Variants in RFX7 observed in about 807,000 individuals in gnomAD.
RFX7 encodes the protein DNA-binding protein RFX7.
Under a neutral mutation model 111.8 loss-of-function variants are expected in RFX7, and 26 were observed. That is an observed-to-expected ratio of 0.23 (90% CI 0.17 to 0.32). RFX7 has a LOEUF of 0.32. RFX7 is among the 10% of genes least tolerant of loss of function. RFX7 has a pLI of 1.00. For missense variants in RFX7, 1,573 were observed against 1,772.9 expected (o/e 0.89, Z 2.02); for synonymous variants, 624 against 624.4 (o/e 1.00, Z 0.01).
chr15:56,202,640 CAAAAA>C (rs554952369), intron 2 of RFX7, among the ~76,000 whole-genome samples: 284 of 151,830 alleles, frequency 1.9e-3, no homozygotes, highest in Non-Finnish European at 3.6e-3. Flanking sequence ...CCTACCTCTA[CAAAAA>C]AAATAAAATA....
chr15:56,135,828 A>G (rs1487212124), intron 5 of RFX7, among the ~76,000 whole-genome samples: 1 of 151,986 alleles, frequency 6.6e-6, no homozygotes, highest in Non-Finnish European at 1.5e-5. Context: ...TCAGCTTTCT[A>G]CATATGGCTA....
At chr15:56,109,198 GC>G (rs531340210) in intron 5 of RFX7, among the ~76,000 whole-genome samples, 172 of 152,312 alleles carry the variant, frequency 1.1e-3, no homozygotes, top group Non-Finnish European at 1.8e-3. Context: ...GGCGCGCGCC[GC>G]CACGCCTGAC....
At chr15:56,114,079 T>C (rs1274957640) in intron 5 of RFX7, among the ~76,000 whole-genome samples, 2 of 152,110 alleles carry the variant, frequency 1.3e-5, no homozygotes, top group African/African-American at 4.8e-5. Context: ...GAGAAAACTC[T>C]TCAAAAGTGC....
Position 56,114,127 on chromosome 15 carries a change from G to C in RFX7, c.402-10457C>G, listed in dbSNP as rs1472771188. Among the ~76,000 whole-genome samples, 3 of 152,058 alleles carry C rather than the reference G, an allele frequency of 2.0e-5. No homozygotes were observed. In the East Asian group the frequency reaches 5.8e-4, roughly 29 times the overall value. On this transcript the variant is annotated intron_variant, in intron 5 of 9. Transcript: ENST00000559447. ...ATAAAGAAATTGGTCTTTTCCAGTT[G>C]AGTGTGGTGGCTCATGCCTGTATTC...
chr15:56,098,546 G>A (rs1390269434), intron 8 of RFX7, among the ~76,000 whole-genome samples, 170 bp from the exon 9 acceptor site: 1 of 152,150 alleles, frequency 6.6e-6, no homozygotes, highest in Non-Finnish European at 1.5e-5. Context: ...ATAAACAATT[G>A]TCAATATAGT....
intron 5 of RFX7, among the ~76,000 whole-genome samples, chr15:56,119,247 C>G (rs1206451640): frequency 1.3e-5 from 2 of 152,138 alleles, no homozygotes; most frequent in Non-Finnish European, 2.9e-5. Context: ...GGGTATTGCT[C>G]AAGAAATTTT....
chr15:56,145,545 A>T (rs1017014437), intron 3 of RFX7, among the ~76,000 whole-genome samples: 1 of 152,204 alleles, frequency 6.6e-6, no homozygotes, highest in East Asian at 1.9e-4. Flanking sequence ...GGTATTTTCC[A>T]ATTGGCTCTT....
rs1210302102 is a variant in RFX7 at position 56,143,320 on chromosome 15, T to TAC, written c.279-422_279-421dup. On this transcript the variant is annotated intron_variant, in intron 4 of 9. Coordinates refer to ENST00000559447, the MANE Select transcript of RFX7 (RefSeq NM_022841.7). Reference sequence around the variant, plus strand: ...ATATATATATACACACATATATATATACACATGTATACACATACATATACA... The same window carrying TAC: ...ATATATATATACACACATATATATATACACACATGTATACACATACATATACA... 3.3e-3 allele frequency among the ~76,000 whole-genome samples: 486 copies of TAC among 148,324 alleles called. 7 individuals are homozygous for TAC. Among genetic ancestry groups the TAC allele is most frequent in the African/African-American group, 0.012 (468 of 40,272 alleles).
intron 2 of RFX7, among the ~76,000 whole-genome samples, chr15:56,239,984 C>CTTTTT (rs5812831): frequency 1.7e-5 from 2 of 120,914 alleles, no homozygotes; most frequent in African/African-American, 3.2e-5. Context: ...TTTGGTATTT[C>CTTTTT]TTTTTTTTTT....
At position 56,095,500 on chromosome 15, in the gene RFX7, G is replaced by A. The variant is rs1348852875; in HGVS notation, c.2228C>T (p.Ala743Val). The A allele has an allele frequency of 6.2e-7, 1 of 1,612,894 alleles. No homozygotes were observed. The highest frequency in any genetic ancestry group is 8.5e-7 in the Non-Finnish European group (1 of 1,179,850). ...NSSALVISDSALEQQTTPSSS... is the reference protein window; with the variant it reads ...NSSALVISDSVLEQQTTPSSS... ...TGATGGGGTTGTTTGCTGTTCCAAA[G>A]CTGAATCACTGATAACAAGGGCAGA... Residue 743 changes from alanine to valine, a missense_variant, in exon 10 of 10, where the codon GCT becomes GTT. By Grantham distance (64) the Ala-to-Val change is moderately conservative (BLOSUM62 0). This residue lies in a region of RFX7 where 625 missense variants were observed against 632.2 expected (regional missense o/e 0.99). Coordinates refer to ENST00000559447, the MANE Select transcript of RFX7 (RefSeq NM_022841.7).
At chr15:56,168,289 AAAAC>A (rs1176815340) in intron 3 of RFX7, among the ~76,000 whole-genome samples, 2 of 152,194 alleles carry the variant, frequency 1.3e-5, no homozygotes, top group African/African-American at 4.8e-5. Flanking sequence ...ATAACAATAA[AAAAC>A]AAAGAAACTT....
chr15:56,228,292 CCTTT>C, intron 2 of RFX7, among the ~76,000 whole-genome samples: 1 of 152,082 alleles, frequency 6.6e-6, no homozygotes, highest in Middle Eastern at 3.4e-3. Flanking sequence ...TTCTTCTGTT[CCTTT>C]CTTTCTTCCA....
intron 3 of RFX7, among the ~76,000 whole-genome samples, chr15:56,178,210 C>CACAA (rs1345989709): frequency 2.5e-5 from 3 of 117,710 alleles, no homozygotes; most frequent in African/African-American, 9.7e-5. Flanking sequence ...CACACACACA[C>CACAA]AACAAAAAGA....
chr15:56,158,523 G>A (rs2042681920), intron 3 of RFX7, among the ~76,000 whole-genome samples: 2 of 151,810 alleles, frequency 1.3e-5, no homozygotes, highest in Non-Finnish European at 2.9e-5. Context: ...ACAGAGATAG[G>A]GTCTCACTCT....
intron 5 of RFX7, among the ~76,000 whole-genome samples, chr15:56,107,976 GAC>G (rs1458789159): frequency 2.0e-5 from 3 of 152,078 alleles, no homozygotes; most frequent in Non-Finnish European, 4.4e-5. Flanking sequence ...AAAATTCCTG[GAC>G]ACATACACCC....
chr15:56,208,195 T>C (rs1345841059), intron 2 of RFX7, among the ~76,000 whole-genome samples: 1 of 152,172 alleles, frequency 6.6e-6, no homozygotes, highest in Non-Finnish European at 1.5e-5. Context: ...AAGCATTCTG[T>C]TCCTAATAAC....
At chr15:56,164,858 G>C (rs2042764746) in intron 3 of RFX7, among the ~76,000 whole-genome samples, 1 of 152,114 alleles carries the variant, frequency 6.6e-6, no homozygotes, top group Admixed American at 6.6e-5. Flanking sequence ...TGTTAATTTT[G>C]ATCATTTGCC....
At chr15:56,206,092 CA>C (rs770773112) in intron 2 of RFX7, among the ~76,000 whole-genome samples, 26 of 151,916 alleles carry the variant, frequency 1.7e-4, no homozygotes, top group Non-Finnish European at 3.7e-4. Context: ...GAGTATGTAT[CA>C]AAAAGAATAA....
At chr15:56,135,830 A>G (rs1317277266) in intron 5 of RFX7, among the ~76,000 whole-genome samples, 1 of 152,040 alleles carries the variant, frequency 6.6e-6, no homozygotes, top group Non-Finnish European at 1.5e-5. Context: ...AGCTTTCTAC[A>G]TATGGCTAGC....
Sources: allele counts gnomAD v4.1 joint callset (sites outside exome capture counted in the v4.1 genomes callset), GRCh38; gene constraint gnomAD v4.1.1; regional missense constraint gnomAD v4.1.1; transcripts MANE v1.5; gene names NCBI Gene and HGNC (gene_info 2026-07-23, HGNC 2026-07-21).